LRRC4C: variants seen among roughly 807,000 people sequenced by gnomAD.
LRRC4C encodes the protein leucine-rich repeat-containing protein 4C.
Under a neutral mutation model 33.6 loss-of-function variants are expected in LRRC4C, and 5 were observed. That is an observed-to-expected ratio of 0.15 (90% CI 0.08 to 0.31). The LOEUF (loss-of-function observed/expected upper bound fraction) is 0.31. LRRC4C is among the 10% of genes least tolerant of loss of function. LRRC4C has a pLI of 1.00. For synonymous variants in LRRC4C, 329 were observed against 302.0 expected, an observed-to-expected ratio of 1.09 and a Z score of -0.93; for missense variants, 560 against 796.7, an observed-to-expected ratio of 0.70 and a Z score of 3.58.
chr11:40,696,981 C>T (rs2136452723), intron 2 of LRRC4C, among the ~76,000 whole-genome samples: 2 of 151,938 alleles, frequency 1.3e-5, no homozygotes, highest in South Asian at 2.1e-4. Context: ...TTCTTATTGA[C>T]TCTTGTGGCC....
chr11:40,632,794 T>C (rs1043902398), intron 3 of LRRC4C, among the ~76,000 whole-genome samples: 1 of 152,162 alleles, frequency 6.6e-6, no homozygotes, highest in Non-Finnish European at 1.5e-5. Flanking sequence ...TGCTGGTTTT[T>C]CTCTACTGTG....
intron 1 of LRRC4C, among the ~76,000 whole-genome samples, chr11:41,165,655 G>T (rs1050273182): frequency 6.6e-6 from 1 of 152,066 alleles, no homozygotes; most frequent in African/African-American, 2.4e-5. Context: ...GCTAAATTAT[G>T]CACCATCTCT....
chr11:40,221,821 G>C (rs1031589857), intron 5 of LRRC4C, among the ~76,000 whole-genome samples: 1 of 151,952 alleles, frequency 6.6e-6, no homozygotes, highest in African/African-American at 2.4e-5. Flanking sequence ...CGTACCCCCT[G>C]CTTGCTCAAT....
rs139099692 is a variant in LRRC4C, at chr11:40,566,225, A to G, written c.-270+81917T>C. Among the ~76,000 whole-genome samples, 617 of 151,284 alleles carry G rather than the reference A, an allele frequency of 4.1e-3. 6 individuals carry two copies. The highest frequency in any genetic ancestry group is 0.014 in the African/African-American group (593 of 41,244). On this transcript the variant is annotated intron_variant, in intron 3 of 6. Transcript: ENST00000528697. Reference sequence around the variant, plus strand: ...TTGAGGTTTGTGTGTTGGATATTCAATTGGATTTGCTCATTATTTAAGTAA... The same window carrying G: ...TTGAGGTTTGTGTGTTGGATATTCAGTTGGATTTGCTCATTATTTAAGTAA...
intron 1 of LRRC4C, among the ~76,000 whole-genome samples, chr11:41,215,487 C>CAAA (rs764578889): frequency 9.3e-5 from 6 of 64,342 alleles, no homozygotes; most frequent in African/African-American, 1.6e-4. Context: ...AATTCCATCT[C>CAAA]AAAAAAAAAA....
chr11:40,637,622 T>G (rs899286197), intron 3 of LRRC4C, among the ~76,000 whole-genome samples: 2 of 152,224 alleles, frequency 1.3e-5, no homozygotes, highest in Non-Finnish European at 2.9e-5. Flanking sequence ...CCAAACATGT[T>G]GGAGTTCTTC....
intron 3 of LRRC4C, among the ~76,000 whole-genome samples, chr11:40,522,946 T>C (rs1014313904): frequency 2.0e-5 from 3 of 152,236 alleles, no homozygotes; most frequent in Admixed American, 2.0e-4. Flanking sequence ...GTTTATGCAG[T>C]CATCTATGGA....
chr11:41,214,170 C>T (rs1263246052), intron 1 of LRRC4C, among the ~76,000 whole-genome samples: 1 of 152,110 alleles, frequency 6.6e-6, no homozygotes, highest in Non-Finnish European at 1.5e-5. Context: ...ACACTTCCCT[C>T]CAAATAAGAA....
chr11:40,544,513 T>C (rs1956843714), intron 3 of LRRC4C, among the ~76,000 whole-genome samples: 2 of 152,104 alleles, frequency 1.3e-5, no homozygotes, highest in South Asian at 4.1e-4. Context: ...CTTACATATA[T>C]GTAAATTCAG....
chr11:41,139,091 T>C (rs1440898463), intron 1 of LRRC4C, among the ~76,000 whole-genome samples: 1 of 152,178 alleles, frequency 6.6e-6, no homozygotes, highest in Non-Finnish European at 1.5e-5. Context: ...AAAGCAGATA[T>C]GGTTAAAAGC....
At chr11:41,413,446 ATTG>A (rs987871826) in intron 1 of LRRC4C, among the ~76,000 whole-genome samples, 64 of 152,318 alleles carry the variant, frequency 4.2e-4, no homozygotes, top group African/African-American at 1.4e-3. Flanking sequence ...AAAGTTAGCT[ATTG>A]TTGTTGTGAT....
At chr11:40,476,641 G>A (rs1953251753) in intron 3 of LRRC4C, among the ~76,000 whole-genome samples, 1 of 152,108 alleles carries the variant, frequency 6.6e-6, no homozygotes, top group African/African-American at 2.4e-5. Context: ...ACCACGCCCA[G>A]CCAAGTGCAC....
At chr11:40,275,791 G>C (rs1029985162) in intron 4 of LRRC4C, among the ~76,000 whole-genome samples, 2 of 152,088 alleles carry the variant, frequency 1.3e-5, no homozygotes, top group Admixed American at 1.3e-4. Context: ...TTTTGTTTAA[G>C]ATCAGCAGTT....
chr11:40,303,596 T>C (rs911373668), intron 4 of LRRC4C, among the ~76,000 whole-genome samples: 1 of 152,196 alleles, frequency 6.6e-6, no homozygotes, highest in Non-Finnish European at 1.5e-5. Context: ...GTCCTATTAA[T>C]TACTTGAATT....
chr11:40,616,695 GT>G (rs1354515423), intron 3 of LRRC4C, among the ~76,000 whole-genome samples: 1 of 151,866 alleles, frequency 6.6e-6, no homozygotes, highest in Non-Finnish European at 1.5e-5. Flanking sequence ...TCACTCATAG[GT>G]GGGAATTGAA....
At chr11:40,740,201 T>C (rs1348289829) in intron 2 of LRRC4C, among the ~76,000 whole-genome samples, 1 of 151,916 alleles carries the variant, frequency 6.6e-6, no homozygotes, top group Non-Finnish European at 1.5e-5. Context: ...CTGGATCCTA[T>C]GGTAGTACTA....
intron 5 of LRRC4C, among the ~76,000 whole-genome samples, chr11:40,214,974 G>A (rs1382855549): frequency 1.3e-5 from 2 of 152,150 alleles, no homozygotes; most frequent in East Asian, 3.9e-4. Flanking sequence ...GTTGTACTGT[G>A]CGCAGCCTGT....
intron 1 of LRRC4C, among the ~76,000 whole-genome samples, chr11:41,076,958 A>G (rs1939196392): frequency 6.6e-6 from 1 of 152,230 alleles, no homozygotes; most frequent in Non-Finnish European, 1.5e-5. Context: ...AAGGGGGGTC[A>G]CAGGCCCAAT....
chr11:40,563,500 T>G (rs1957635193), intron 3 of LRRC4C, among the ~76,000 whole-genome samples: 1 of 152,102 alleles, frequency 6.6e-6, no homozygotes, highest in South Asian at 2.1e-4. Context: ...AATGAGAAAC[T>G]GAGGGTGGTT....
Sources: gnomAD v4.1 joint callset for allele counts (sites outside exome capture counted in the v4.1 genomes callset) on GRCh38, gnomAD v4.1.1 for gene constraint, MANE v1.5 for transcripts, NCBI Gene and HGNC (gene_info 2026-07-23, HGNC 2026-07-21) for gene names.